The following PTPN2 variants were observed in gnomAD, a reference collection of about 807,000 sequenced individuals.
The protein encoded by PTPN2 is protein tyrosine phosphatase non-receptor type 2, also known as tyrosine-protein phosphatase non-receptor type 2.
A neutral mutation model predicts 57.3 loss-of-function variants in PTPN2; 19 were observed. The observed-to-expected ratio is 0.33, with a 90% CI of 0.23 to 0.49. PTPN2 has a LOEUF of 0.49. PTPN2 is among the 20% of genes least tolerant of loss of function. PTPN2 has a pLI of 0.99. For synonymous variants in PTPN2, 153 were observed against 164.9 expected, an observed-to-expected ratio of 0.93 and a Z score of 0.55; for missense variants, 358 against 501.1, an observed-to-expected ratio of 0.71 and a Z score of 2.73.
At position 12,793,212 on chromosome 18, in the gene PTPN2, G is replaced by C. The variant is rs1033008609; in HGVS notation, c.*1066C>G. The stretch of plus-strand genomic sequence containing the variant: ...AGCAGTTAAATTCATTAAACAGTTT[G>C]CTTTAAAAAATATTCATTAAGTTAA... On this transcript the variant is annotated 3_prime_UTR_variant, in exon 9 of 9. Coordinates refer to ENST00000309660, the MANE Select transcript of PTPN2 (RefSeq NM_002828.4). 1.0e-6 allele frequency: 1 copy of C among 979,358 alleles called. No homozygotes were observed. The highest frequency in any genetic ancestry group is 1.2e-6 in the Non-Finnish European group (1 of 826,292). 60.7% of individuals were successfully genotyped at this position (979,358 alleles called of 1,614,324 possible).
exon 10 of PTPN2, chr18:12,785,801 G>A (rs762119295): frequency 1.9e-6 from 3 of 1,608,258 alleles, no homozygotes; most frequent in Non-Finnish European, 2.6e-6. Flanking sequence ...TATAGCTGCA[G>A]AATATTCTCA....
At chr18:12,878,146 G>A (rs2145542721) in intron 1 of PTPN2, among the ~76,000 whole-genome samples, 1 of 152,212 alleles carries the variant, frequency 6.6e-6, no homozygotes, top group East Asian at 1.9e-4. Context: ...AGACCAGCCT[G>A]GGCAAAATAG....
chr18:12,840,708 G>T (rs1273056627), intron 2 of PTPN2: 1 of 1,598,260 alleles, frequency 6.3e-7, no homozygotes, highest in South Asian at 1.1e-5. Context: ...CAATTTAAGA[G>T]ATTACCTATT....
At chr18:12,805,886 C>G (rs2847304) in intron 7 of PTPN2, among the ~76,000 whole-genome samples, 68,625 of 151,876 alleles carry the variant, frequency 0.45, 17,671 homozygotes, top group Non-Finnish European at 0.57. Context: ...TCTCAGCCCC[C>G]CAAAGTGCTG....
intron 3 of PTPN2, among the ~76,000 whole-genome samples, chr18:12,831,898 A>G (rs2042682288): frequency 6.6e-6 from 1 of 152,248 alleles, no homozygotes; most frequent in African/African-American, 2.4e-5. Flanking sequence ...GGAAGATCTA[A>G]TAAGAGATGA....
Position 12,793,077 on chromosome 18 carries a change from C to T in PTPN2, c.*1201G>A. ...GGTATGCTATCCATAATAATGTATGCTATCCATGCCTCCTAGCAATTAAAT... is the reference window on the plus strand; with the variant it reads ...GGTATGCTATCCATAATAATGTATGTTATCCATGCCTCCTAGCAATTAAAT... On this transcript the variant is annotated 3_prime_UTR_variant, in exon 9 of 9. Transcript: ENST00000309660. 3 of 985,264 alleles carry T rather than the reference C, an allele frequency of 3.0e-6. No individual in the cohort carries two copies. Among genetic ancestry groups the T allele is most frequent in the Non-Finnish European group, 3.6e-6 (3 of 829,782 alleles). 61.0% of individuals were successfully genotyped at this position (985,264 alleles called of 1,614,324 possible).
At position 12,817,105 on chromosome 18, in the gene PTPN2, T is replaced by A. The variant is rs763270337; in HGVS notation, c.705+51A>T. 7.2e-6 allele frequency: 11 copies of A among 1,524,076 alleles called. No individual in the cohort carries two copies. In the East Asian group the frequency reaches 2.3e-4, roughly 31 times the overall value. The allele number at this position is 1,524,076 out of a possible 1,614,324, so 94.4% of individuals were successfully genotyped here. A position where few individuals can be genotyped will look rare whatever the true frequency, so the allele number is the denominator to read the frequency against. ...GTTTATTCACTGCCAGTGGAAGCAA[T>A]TTAAAAAAAAAAATCAATGAGATTA... On this transcript the variant is annotated intron_variant, in intron 6 of 8. Transcript: ENST00000309660.
chr18:12,858,665 A>G (rs1048245961), intron 2 of PTPN2, among the ~76,000 whole-genome samples: 1 of 152,232 alleles, frequency 6.6e-6, no homozygotes, highest in Non-Finnish European at 1.5e-5. Flanking sequence ...TAAAAACTCC[A>G]AAGAATATAA....
intron 8 of PTPN2, among the ~76,000 whole-genome samples, chr18:12,795,847 C>T (rs1213614205): frequency 2.0e-5 from 3 of 152,090 alleles, no homozygotes; most frequent in Non-Finnish European, 4.4e-5. Context: ...ACAGCAAAGG[C>T]CTAACCAGCT....
chr18:12,791,316 T>C (rs1488502134), downstream of PTPN2, among the ~76,000 whole-genome samples: 1 of 151,552 alleles, frequency 6.6e-6, no homozygotes, highest in African/African-American at 2.4e-5. Context: ...AAAAGAAACA[T>C]TTTTTTTATA....
intron 8 of PTPN2, among the ~76,000 whole-genome samples, chr18:12,795,112 G>C (rs906393071): frequency 1.3e-5 from 2 of 152,184 alleles, no homozygotes; most frequent in African/African-American, 4.8e-5. Flanking sequence ...GGAGTGGGAA[G>C]ACAAGGGGGT....
At chr18:12,839,039 T>C (rs148381541) in intron 2 of PTPN2, among the ~76,000 whole-genome samples, 52 of 152,126 alleles carry the variant, frequency 3.4e-4, no homozygotes, top group African/African-American at 1.2e-3. Flanking sequence ...AACTTTTTGA[T>C]TTCGAAGAGG....
chr18:12,803,375 G>GT (rs1331011776), intron 7 of PTPN2, among the ~76,000 whole-genome samples: 13 of 152,146 alleles, frequency 8.5e-5, no homozygotes, highest in African/African-American at 2.7e-4. Context: ...AATGGCAGGT[G>GT]TAAGTCCTTA....
chr18:12,856,653 A>G (rs897561130), intron 2 of PTPN2, among the ~76,000 whole-genome samples: 8 of 152,336 alleles, frequency 5.3e-5, no homozygotes, highest in African/African-American at 1.2e-4. Flanking sequence ...GGTATACAAC[A>G]TAAGTCTAAA....
At chr18:12,813,500 C>A (rs747907381) in intron 7 of PTPN2, among the ~76,000 whole-genome samples, 6 of 152,146 alleles carry the variant, frequency 3.9e-5, no homozygotes, top group Non-Finnish European at 8.8e-5. Context: ...AATTTACATT[C>A]TTATATTGGC....
intron 1 of PTPN2, among the ~76,000 whole-genome samples, chr18:12,881,313 T>C (rs1050722646): frequency 2.6e-5 from 4 of 152,152 alleles, no homozygotes; most frequent in South Asian, 2.1e-4. Flanking sequence ...GGTGTGTGCC[T>C]GTAATTTCAA....
intron 2 of PTPN2, among the ~76,000 whole-genome samples, chr18:12,846,637 G>A (rs921041279): frequency 6.6e-6 from 1 of 152,144 alleles, no homozygotes; most frequent in Non-Finnish European, 1.5e-5. Context: ...CGCAGACGTG[G>A]AACCAGCCAT....
chr18:12,860,326 C>T (rs575636100), intron 1 of PTPN2, among the ~76,000 whole-genome samples: 2 of 150,332 alleles, frequency 1.3e-5, no homozygotes, highest in Admixed American at 6.6e-5. Context: ...AGGCTGTGCG[C>T]GGTGGCTCAT....
intron 3 of PTPN2, among the ~76,000 whole-genome samples, chr18:12,835,346 TTAAAA>T (rs1455519536): frequency 6.7e-6 from 1 of 149,332 alleles, no homozygotes; most frequent in Non-Finnish European, 1.5e-5. Flanking sequence ...GTCTGATGCG[TTAAAA>T]TAAGACTGCA....
Sources: gnomAD v4.1 joint callset for allele counts (sites outside exome capture counted in the v4.1 genomes callset) on GRCh38, gnomAD v4.1.1 for gene constraint, MANE v1.5 for transcripts, NCBI Gene and HGNC (gene_info 2026-07-23, HGNC 2026-07-21) for gene names.